Variants in RPS6KA6 observed in about 807,000 individuals in gnomAD.
RPS6KA6 encodes the protein ribosomal protein S6 kinase alpha-6.
Under a neutral mutation model 65.4 loss-of-function variants are expected in RPS6KA6, and 27 were observed. The observed-to-expected ratio is 0.41, with a 90% CI of 0.30 to 0.57. The LOEUF (loss-of-function observed/expected upper bound fraction) is 0.57, where lower values mean the gene tolerates loss of function less well. Among genes scored for constraint, RPS6KA6 ranks in the 20% least tolerant of loss-of-function variants. The probability of loss-of-function intolerance (pLI) is 0.24; values close to 1 mark genes in which losing one functional copy is unlikely to be tolerated. For missense variants in RPS6KA6, 486 were observed against 555.6 expected, an observed-to-expected ratio of 0.87 and a Z score of 1.26; for synonymous variants, 190 against 184.2, an observed-to-expected ratio of 1.03 and a Z score of -0.26.
chrX:84,081,748 C>T (rs1026533025), intron 20 of RPS6KA6, among the ~76,000 whole-genome samples: 8 of 111,662 alleles, frequency 7.2e-5, no homozygotes, highest in Non-Finnish European at 1.1e-4. Flanking sequence ...TTATCCACCA[C>T]GAAAAAGACA....
chrX:84,065,090 G>A lies in RPS6KA6; in HGVS notation c.1993C>T (p.His665Tyr). 1 of 1,194,020 alleles carries A rather than the reference G, an allele frequency of 8.4e-7. No individual in the cohort carries two copies. The highest frequency in any genetic ancestry group is 1.1e-6 in the Non-Finnish European group (1 of 883,660). Residue 665 changes from histidine (H) to tyrosine (Y), a missense_variant, in exon 21 of 22, where the codon CAT (histidine) becomes TAT (tyrosine). This residue lies in a region of RPS6KA6 where 345 missense variants were observed against 375.0 expected (regional missense o/e 0.92). Transcript: ENST00000262752. ...GAKDLLSHMLHMDPHQRYTAE... is the reference protein window; with the variant it reads ...GAKDLLSHMLYMDPHQRYTAE... Reference sequence around the variant, plus strand: ...GTATACCGCTGATGTGGGTCCATATGAAGCATATGGGAAAGCAAATCCTAA... The same window carrying A: ...GTATACCGCTGATGTGGGTCCATATAAAGCATATGGGAAAGCAAATCCTAA...
chrX:84,182,494 C>T (rs970412586), intron 1 of RPS6KA6, among the ~76,000 whole-genome samples: 12 of 111,325 alleles, frequency 1.1e-4, no homozygotes, highest in Non-Finnish European at 2.1e-4. Context: ...AAAAATCTTG[C>T]ATTTCCTCAT....
chrX:84,118,915 T>C (rs186526087), intron 9 of RPS6KA6, among the ~76,000 whole-genome samples: 524 of 112,017 alleles, frequency 4.7e-3, no homozygotes, highest in Middle Eastern at 9.2e-3. Context: ...TAAATGCTTA[T>C]AGGTTTATAG....
intron 20 of RPS6KA6, among the ~76,000 whole-genome samples, chrX:84,070,758 G>C (rs1336768687): frequency 1.8e-5 from 2 of 110,011 alleles, no homozygotes; most frequent in African/African-American, 6.6e-5. Context: ...AAAATAAATG[G>C]ACAATTAATA....
At chrX:84,100,667 C>T (rs2034241771) in intron 18 of RPS6KA6, among the ~76,000 whole-genome samples, 1 of 110,731 alleles carries the variant, frequency 9.0e-6, no homozygotes, top group Non-Finnish European at 1.9e-5. Flanking sequence ...TTCTGTCCTC[C>T]TATAAAACCA....
intron 1 of RPS6KA6, 120 bp downstream of exon 1, chrX:84,187,699 G>A (rs1158932441): frequency 4.6e-6 from 3 of 658,871 alleles, no homozygotes; most frequent in African/African-American, 4.6e-5. Context: ...GCAGCATCAA[G>A]GGGGCTTGCC....
intron 20 of RPS6KA6, among the ~76,000 whole-genome samples, chrX:84,076,973 A>C (rs1271819994): frequency 9.0e-6 from 1 of 111,575 alleles, no homozygotes; most frequent in Admixed American, 9.6e-5. Flanking sequence ...CATACTAGCA[A>C]CAAAAGAAAA....
chrX:84,134,415 A>G (rs1282593237), intron 8 of RPS6KA6, among the ~76,000 whole-genome samples: 5 of 111,263 alleles, frequency 4.5e-5, no homozygotes, highest in African/African-American at 1.6e-4. Context: ...AATTATAGAG[A>G]TGTAGGACAT....
At chrX:84,122,070 C>G (rs945895746) in intron 8 of RPS6KA6, among the ~76,000 whole-genome samples, 5 of 112,489 alleles carry the variant, frequency 4.4e-5, no homozygotes, top group African/African-American at 1.6e-4. Flanking sequence ...AGCACCATCA[C>G]AAGAATCAAA....
chrX:84,158,951 C>A (rs2035462468), intron 2 of RPS6KA6, among the ~76,000 whole-genome samples: 1 of 111,515 alleles, frequency 9.0e-6, no homozygotes, highest in Non-Finnish European at 1.9e-5. Context: ...GATTCGGACA[C>A]ATGGCCAGGA....
intron 18 of RPS6KA6, among the ~76,000 whole-genome samples, chrX:84,098,406 C>T (rs1036589842): frequency 9.0e-6 from 1 of 111,404 alleles, no homozygotes; most frequent in Non-Finnish European, 1.9e-5. Flanking sequence ...TTGAAAAATA[C>T]TGAATGGCTT....
chrX:84,147,334 T>C lies in RPS6KA6; in HGVS notation c.341-276A>G, dbSNP rs1412840931. 6.3e-5 allele frequency among the ~76,000 whole-genome samples: 7 copies of C among 111,566 alleles called. No individual in the cohort carries two copies. The Admixed American group carries it at 6.7e-4, about 11-fold the overall frequency. On this transcript the variant is annotated intron_variant, in intron 4 of 21. Coordinates refer to ENST00000262752, the MANE Select transcript of RPS6KA6 (RefSeq NM_014496.5). ...TGTTGTTGTTGTTGTTGAGACAGGGTATTGCTCTCTTGTCCAGGCTGGACT... is the reference window on the plus strand; with the variant it reads ...TGTTGTTGTTGTTGTTGAGACAGGGCATTGCTCTCTTGTCCAGGCTGGACT...
At chrX:84,150,912 GAGGATATATAT>G (rs2035297394) in intron 3 of RPS6KA6, among the ~76,000 whole-genome samples, 1 of 86,614 alleles carries the variant, frequency 1.2e-5, no homozygotes, top group Non-Finnish European at 2.2e-5. Context: ...GATATATAGA[GAGGATATATAT>G]AGGATATATA....
At chrX:84,152,975 AAGAATGGGTG>A (rs1338172898) in intron 3 of RPS6KA6, among the ~76,000 whole-genome samples, 1 of 111,632 alleles carries the variant, frequency 9.0e-6, no homozygotes, top group Non-Finnish European at 1.9e-5. Context: ...AATTGTCCAA[AAGAATGGGTG>A]AGTTACTCCA....
chrX:84,124,940 C>T (rs1381422899), intron 8 of RPS6KA6, among the ~76,000 whole-genome samples: 1 of 111,697 alleles, frequency 9.0e-6, no homozygotes, highest in Non-Finnish European at 1.9e-5. Flanking sequence ...TAATGGAGCC[C>T]CAATACACCT....
chrX:84,172,913 C>G (rs1195119647), intron 1 of RPS6KA6, among the ~76,000 whole-genome samples: 1 of 110,733 alleles, frequency 9.0e-6, no homozygotes, highest in African/African-American at 3.3e-5. Context: ...CTAGAATAGT[C>G]AAATTCATAG....
At chrX:84,150,871 TAGG>T (rs1193605470) in intron 3 of RPS6KA6, among the ~76,000 whole-genome samples, 1 of 98,567 alleles carries the variant, frequency 1.0e-5, no homozygotes, top group Non-Finnish European at 2.0e-5. Flanking sequence ...AGGATATATA[TAGG>T]ATATATATAT....
intron 20 of RPS6KA6, among the ~76,000 whole-genome samples, chrX:84,071,632 TA>T (rs958727499): frequency 2.5e-3 from 268 of 108,489 alleles, no homozygotes; most frequent in Middle Eastern, 4.8e-3. Flanking sequence ...AAATAGAGAA[TA>T]AAAAAAATGA....
chrX:84,154,492 A>T (rs779740213), intron 3 of RPS6KA6, among the ~76,000 whole-genome samples: 31 of 111,871 alleles, frequency 2.8e-4, no homozygotes, highest in Admixed American at 1.9e-4. Context: ...TCTGGAATAT[A>T]AAATAACTTC....
Sources: allele counts gnomAD v4.1 joint callset (sites outside exome capture counted in the v4.1 genomes callset), GRCh38; gene constraint gnomAD v4.1.1; regional missense constraint gnomAD v4.1.1; transcripts MANE v1.5; gene names NCBI Gene and HGNC (gene_info 2026-07-23, HGNC 2026-07-21).